The following CBLB variants were observed in gnomAD, a reference collection of about 807,000 sequenced individuals.
CBLB encodes Cbl proto-oncogene B, also known as E3 ubiquitin-protein ligase CBL-B.
In CBLB, 31 loss-of-function variants were observed where a neutral mutation model predicts 104.9. The observed-to-expected ratio is 0.30, with a 90% CI of 0.22 to 0.40. The LOEUF is 0.40. CBLB is among the 10% of genes least tolerant of loss of function. The pLI is 1.00. For missense variants in CBLB, 1,062 were observed against 1,214.6 expected (o/e 0.87, Z 1.87); for synonymous variants, 440 against 422.6 (o/e 1.04, Z -0.51).
At position 105,704,160 on chromosome 3, in the gene CBLB, T is replaced by C; in HGVS notation, c.1421A>G (p.Gln474Arg). 1 of 1,613,976 alleles carries C rather than the reference T, an allele frequency of 6.2e-7. No individual in the cohort carries two copies. The highest frequency in any genetic ancestry group is 8.5e-7 in the Non-Finnish European group (1 of 1,179,852). Residue 474 changes from glutamine (Q) to arginine (R), a missense_variant, in exon 11 of 19, where the codon CAG (glutamine) becomes CGG (arginine). By Grantham distance (43) the Gln-to-Arg change is conservative. This residue lies in a region of CBLB where 457 missense variants were observed against 632.0 expected (regional missense o/e 0.72). Coordinates refer to ENST00000394030, the MANE Select transcript of CBLB (RefSeq NM_170662.5). ...TCCTGGTGATGTGACTGGTGAGTTC[T>C]GCCTGTCAGTGCACTAGAACAGAAA... The part of the protein sequence containing the change: ...LANVRKCTDR[Q>R]NSPVTSPGSS...
chr3:105,756,300 TATAAA>T (rs1260100665), intron 4 of CBLB, among the ~76,000 whole-genome samples: 2 of 152,180 alleles, frequency 1.3e-5, no homozygotes, highest in Non-Finnish European at 2.9e-5. Flanking sequence ...ACAAAATTGA[TATAAA>T]ATATCAGTTG....
chr3:105,823,765 CTT>C (rs1283403026), intron 3 of CBLB, among the ~76,000 whole-genome samples: 3 of 152,140 alleles, frequency 2.0e-5, no homozygotes, highest in African/African-American at 7.2e-5. Flanking sequence ...CAACTAATCT[CTT>C]GTGTTGAGCT....
intron 3 of CBLB, among the ~76,000 whole-genome samples, chr3:105,792,769 G>A (rs915595464): frequency 9.2e-5 from 14 of 152,054 alleles, no homozygotes; most frequent in Non-Finnish European, 1.8e-4. Context: ...TGCCTAATTC[G>A]AGAAAGGAGC....
At position 105,689,645 on chromosome 3, in the gene CBLB, A is replaced by T. The variant is rs975587705; in HGVS notation, c.2054+3849T>A. On this transcript the variant is annotated intron_variant, in intron 13 of 18. Coordinates refer to ENST00000394030, the MANE Select transcript of CBLB (RefSeq NM_170662.5). ...TGCCAAGTAAAATAAATATTTCCTT[A>T]ACTATTCAGAGTATCATTTAGTTTT... 7.6e-5 allele frequency among the ~76,000 whole-genome samples: 11 copies of T among 144,180 alleles called. 1 individual carries two copies. The highest frequency in any genetic ancestry group is 2.7e-4 in the African/African-American group (11 of 41,308). 94.6% of individuals were successfully genotyped at this position (144,180 alleles called of 152,430 possible). A position where few individuals can be genotyped will look rare whatever the true frequency, so the allele number is the denominator to read the frequency against.
intron 3 of CBLB, among the ~76,000 whole-genome samples, chr3:105,782,797 C>T (rs2080452016): frequency 6.6e-6 from 1 of 152,038 alleles, no homozygotes; most frequent in African/African-American, 2.4e-5. Context: ...GTTTGGAACT[C>T]CTGACCTCAA....
chr3:105,847,191 A>T (rs958008742), intron 3 of CBLB, among the ~76,000 whole-genome samples: 2 of 152,012 alleles, frequency 1.3e-5, no homozygotes, highest in Admixed American at 6.6e-5. Flanking sequence ...CAGCAAGCAT[A>T]GTGATCTGTA....
At chr3:105,783,467 G>C (rs1412617923) in intron 3 of CBLB, among the ~76,000 whole-genome samples, 2 of 152,068 alleles carry the variant, frequency 1.3e-5, no homozygotes, top group Non-Finnish European at 2.9e-5. Context: ...CAATTATCAT[G>C]ATGGCCTTGT....
intron 10 of CBLB, among the ~76,000 whole-genome samples, chr3:105,704,499 C>T (rs2069761305): frequency 6.6e-6 from 1 of 152,120 alleles, no homozygotes; most frequent in South Asian, 2.1e-4. Flanking sequence ...TCCAGAAACA[C>T]ATAATGCAAT....
chr3:105,673,426 C>G (rs1259474062), intron 17 of CBLB: 1 of 151,986 alleles, frequency 6.6e-6, no homozygotes, highest in Admixed American at 6.6e-5. Context: ...CAAATTTTTA[C>G]CAAGTGTAAA....
chr3:105,745,854 C>A, intron 6 of CBLB, 63 bp downstream of exon 6: 4 of 1,516,100 alleles, frequency 2.6e-6, no homozygotes, highest in Non-Finnish European at 3.7e-6. Flanking sequence ...TACTTAGGAA[C>A]AAACCATGGA....
At chr3:105,793,044 C>A (rs1270037993) in intron 3 of CBLB, among the ~76,000 whole-genome samples, 1 of 152,162 alleles carries the variant, frequency 6.6e-6, no homozygotes, top group African/African-American at 2.4e-5. Context: ...ATCAGGGCCT[C>A]CCCTGATTGC....
intron 6 of CBLB, among the ~76,000 whole-genome samples, chr3:105,742,111 C>T (rs930389640): frequency 6.6e-6 from 1 of 152,160 alleles, no homozygotes; most frequent in Non-Finnish European, 1.5e-5. Context: ...TTTGAGTGTA[C>T]TGCATTCAAT....
At chr3:105,775,608 G>C (rs2079368931) in intron 4 of CBLB, among the ~76,000 whole-genome samples, 1 of 152,132 alleles carries the variant, frequency 6.6e-6, no homozygotes, top group Non-Finnish European at 1.5e-5. Context: ...CTCATTAAAG[G>C]TAATTCTTAA....
chr3:105,737,200 T>C lies in CBLB; in HGVS notation c.1042A>G (p.Thr348Ala), dbSNP rs750183462. 21 of 1,590,944 alleles carry C rather than the reference T, an allele frequency of 1.3e-5. No homozygotes were observed. Among genetic ancestry groups the C allele is most frequent in the Admixed American group, 6.7e-5 (4 of 59,752 alleles). Residue 348 changes from threonine to alanine, a missense_variant, in exon 8 of 19, where the codon ACA (threonine) becomes GCA (alanine). By Grantham distance (58) the Thr-to-Ala change is moderately conservative. Transcript: ENST00000394030. ...GTAACTTTTATATGGTCATGAGGTG[T>C]AGGTTCACATAATCCAGTTAAATCA... Reference protein sequence around the residue: ...NPDLTGLCEPTPHDHIKVTQE... With the variant: ...NPDLTGLCEPAPHDHIKVTQE...
chr3:105,671,729 T>A (rs1559759138), intron 17 of CBLB: 1 of 200,714 alleles, frequency 5.0e-6, no homozygotes, highest in Non-Finnish European at 1.0e-5. Context: ...TCTTTTCACC[T>A]TTTTTGGAGT....
intron 2 of CBLB, among the ~76,000 whole-genome samples, chr3:105,854,229 G>A (rs891675570): frequency 2.0e-5 from 3 of 152,110 alleles, no homozygotes; most frequent in East Asian, 1.9e-4. Context: ...TGTCTACCAC[G>A]CCTATAAACA....
At position 105,749,765 on chromosome 3, in the gene CBLB, C is replaced by A. The variant is rs560485324; in HGVS notation, c.723+1697G>T. 29 of 308,478 alleles carry A rather than the reference C, an allele frequency of 9.4e-5. 1 individual carries two copies. Among genetic ancestry groups the A allele is most frequent in the Non-Finnish European group, 1.7e-4 (26 of 154,060 alleles). The allele number at this position is 308,478 out of a possible 1,614,324, so 19.1% of individuals were successfully genotyped here. On this transcript the variant is annotated intron_variant, in intron 5 of 18. Coordinates refer to ENST00000394030, the MANE Select transcript of CBLB (RefSeq NM_170662.5). The stretch of plus-strand genomic sequence containing the variant: ...AGATATTCTGTAAAATTATCAGAAA[C>A]CTTTAAAGAAAGGAGAGGTTCCATT...
chr3:105,735,859 C>T (rs1055577816), intron 8 of CBLB, among the ~76,000 whole-genome samples: 4 of 152,020 alleles, frequency 2.6e-5, no homozygotes, highest in African/African-American at 9.7e-5. Flanking sequence ...GGCAAGAGAA[C>T]AGCTCGAACC....
chr3:105,776,066 TG>T (rs901897100), intron 4 of CBLB, among the ~76,000 whole-genome samples: 1 of 151,982 alleles, frequency 6.6e-6, no homozygotes, highest in African/African-American at 2.4e-5. Context: ...CCCTTTATTT[TG>T]TATATTAAGT....
Sources: allele counts gnomAD v4.1 joint callset (sites outside exome capture counted in the v4.1 genomes callset), GRCh38; gene constraint gnomAD v4.1.1; regional missense constraint gnomAD v4.1.1; transcripts MANE v1.5; gene names NCBI Gene and HGNC (gene_info 2026-07-23, HGNC 2026-07-21).